The following CAMSAP1 variants were observed in gnomAD, a reference collection of about 807,000 sequenced individuals.
The protein encoded by CAMSAP1 is calmodulin regulated spectrin associated protein 1.
Under a neutral mutation model 143.5 loss-of-function variants are expected in CAMSAP1, and 58 were observed. The observed-to-expected ratio is 0.40, with a 90% CI of 0.33 to 0.50. CAMSAP1 has a LOEUF of 0.50. Among genes scored for constraint, CAMSAP1 ranks in the 20% least tolerant of loss-of-function variants. The pLI, the probability that CAMSAP1 is intolerant of heterozygous loss-of-function variation, is 0.45. For missense variants in CAMSAP1, 1,969 were observed against 2,115.7 expected, an observed-to-expected ratio of 0.93 and a Z score of 1.36; for synonymous variants, 945 against 859.3, an observed-to-expected ratio of 1.10 and a Z score of -1.74.
intron 7 of CAMSAP1, among the ~76,000 whole-genome samples, chr9:135,835,160 T>C (rs1191981713): frequency 6.6e-6 from 1 of 151,890 alleles, no homozygotes; most frequent in Non-Finnish European, 1.5e-5. Context: ...GCACGTGTAC[T>C]AACAGGAGGC....
rs1835608086 is a variant in CAMSAP1 at position 135,824,679 on chromosome 9, A to G, written c.1315+110T>C. 4 of 886,802 alleles carry G rather than the reference A, an allele frequency of 4.5e-6. No individual in the cohort carries two copies. In the East Asian group the frequency reaches 8.5e-5, roughly 19 times the overall value. 54.9% of individuals were successfully genotyped at this position (886,802 alleles called of 1,614,324 possible). ...ACTCCATCTCAAAAAACAAACAAAC[A>G]AACAAAAAAATCACTACATCAGATA... is the stretch of plus-strand genomic sequence containing the variant. On this transcript the variant is annotated intron_variant, in intron 9 of 16. Transcript: ENST00000389532. The surrounding 1 kb of genome is among the most constrained non-coding windows in gnomAD (Gnocchi z 4.1).
rs1166393563 is a variant in CAMSAP1 at position 135,862,515 on chromosome 9, G to A, written c.760C>T (p.Leu254Phe). Residue 254 changes from leucine (L) to phenylalanine (F), a missense_variant, in exon 5 of 17, where the codon CTC becomes TTC. Coordinates refer to ENST00000389532, the MANE Select transcript of CAMSAP1 (RefSeq NM_015447.4). The part of the protein sequence containing the change: ...LMRDGSDGAA[L>F]LAVIHYYCPE... ...CAATAATAGTGAATCACAGCTAAGA[G>A]AGCAGCACCATCACTGCCGTCTCTC... The A allele has an allele frequency of 1.3e-6, 2 of 1,551,624 alleles. No homozygotes were observed. The highest frequency in any genetic ancestry group is 1.4e-5 in the African/African-American group (1 of 73,118).
intron 1 of CAMSAP1, among the ~76,000 whole-genome samples, chr9:135,885,037 T>A (rs892338656): frequency 6.6e-6 from 1 of 152,162 alleles, no homozygotes; most frequent in African/African-American, 2.4e-5. Context: ...CTTATTCAAC[T>A]GACCACACCA....
At chr9:135,848,967 G>A (rs889379254) in intron 7 of CAMSAP1, among the ~76,000 whole-genome samples, 1 of 152,220 alleles carries the variant, frequency 6.6e-6, no homozygotes, top group Non-Finnish European at 1.5e-5. Context: ...AGTGGTGAAA[G>A]GTGCACTCTC....
At chr9:135,866,616 C>T in intron 3 of CAMSAP1, 80 bp from the exon 4 acceptor site, 1 of 716,122 alleles carries the variant, frequency 1.4e-6, no homozygotes, top group Non-Finnish European at 2.5e-6. Context: ...CCCAGAGACC[C>T]CCACTTCACC....
rs1343795116 is a variant in CAMSAP1, at chr9:135,824,682, C to A, written c.1315+107G>T. ...CCATCTCAAAAAACAAACAAACAAA[C>A]AAAAAAATCACTACATCAGATAAAA... On this transcript the variant is annotated intron_variant, in intron 9 of 16. Coordinates refer to ENST00000389532, the MANE Select transcript of CAMSAP1 (RefSeq NM_015447.4). The surrounding 1 kb of genome is among the most constrained non-coding windows in gnomAD (Gnocchi z 4.1). 4.7e-5 allele frequency: 42 copies of A among 898,208 alleles called. No individual in the cohort carries two copies. Among genetic ancestry groups the A allele is most frequent in the Middle Eastern group, 2.3e-4 (1 of 4,416 alleles). The allele number at this position is 898,208 out of a possible 1,614,324, so 55.6% of individuals were successfully genotyped here. A position where few individuals can be genotyped will look rare whatever the true frequency, so the allele number is the denominator to read the frequency against.
At chr9:135,836,700 G>T in intron 7 of CAMSAP1, 1 of 974,624 alleles carries the variant, frequency 1.0e-6, no homozygotes, top group Non-Finnish European at 1.2e-6. Flanking sequence ...CTTCTACCCT[G>T]TTCTACAGAC....
rs149594688 is a variant in CAMSAP1 at position 135,822,957 on chromosome 9, G to A, written c.1704C>T (p.Gly568=). The A allele has an allele frequency of 5.8e-3, 9,334 of 1,613,954 alleles. 38 individuals carry two copies. The highest frequency in any genetic ancestry group is 7.0e-3 in the Non-Finnish European group (8,214 of 1,179,884). The part of the protein sequence containing the change: ...EFPRASPRAL[G]LTANARSPQG... ...GGGGAGACCGGGCATTTGCTGTAAGGCCTAAGGCCCGGGGTGAGGCCCTGG... is the reference window on the plus strand; with the variant it reads ...GGGGAGACCGGGCATTTGCTGTAAGACCTAAGGCCCGGGGTGAGGCCCTGG... Residue 568 remains glycine, a synonymous_variant, in exon 11 of 17, where the codon GGC becomes GGT. Coordinates refer to ENST00000389532, the MANE Select transcript of CAMSAP1 (RefSeq NM_015447.4). The surrounding 1 kb of genome is among the most constrained non-coding windows in gnomAD (Gnocchi z 6.1).
chr9:135,831,455 G>A (rs530504734), intron 7 of CAMSAP1, among the ~76,000 whole-genome samples: 95 of 151,068 alleles, frequency 6.3e-4, no homozygotes, highest in African/African-American at 2.1e-3. Context: ...CCAACATAGC[G>A]AGACCCCATC....
intron 7 of CAMSAP1, among the ~76,000 whole-genome samples, chr9:135,833,264 G>A (rs2131689039): frequency 6.6e-6 from 1 of 152,088 alleles, no homozygotes; most frequent in South Asian, 2.1e-4. Context: ...TGTATTTTTA[G>A]TAGAGACGGG....
Position 135,824,918 on chromosome 9 carries a change from T to C in CAMSAP1, c.1224-38A>G. 1 of 1,505,160 alleles carries C rather than the reference T, an allele frequency of 6.6e-7. No homozygotes were observed. Among genetic ancestry groups the C allele is most frequent in the Non-Finnish European group, 9.0e-7 (1 of 1,106,004 alleles). The allele number at this position is 1,505,160 out of a possible 1,614,324, so 93.2% of individuals were successfully genotyped here. Reference sequence around the variant, plus strand: ...AGAATTACAGGGAAAATCATTCCTTTATCAAACTTCAAGGTCAACAGCAAA... The same window carrying C: ...AGAATTACAGGGAAAATCATTCCTTCATCAAACTTCAAGGTCAACAGCAAA... On this transcript the variant is annotated intron_variant, in intron 8 of 16. Transcript: ENST00000389532. This position sits in a 1 kb window ranked among gnomAD's most constrained non-coding sequence, Gnocchi z 4.1.
intron 7 of CAMSAP1, among the ~76,000 whole-genome samples, chr9:135,840,144 C>T (rs574899739): frequency 1.1e-3 from 168 of 152,332 alleles, no homozygotes; most frequent in Admixed American, 3.8e-3. Flanking sequence ...GCCGTGCATT[C>T]TGCACCTGAG....
chr9:135,857,282 C>CT (rs1396528629), intron 5 of CAMSAP1, among the ~76,000 whole-genome samples: 2 of 152,134 alleles, frequency 1.3e-5, no homozygotes, highest in African/African-American at 4.8e-5. Context: ...ATTTTTCCAT[C>CT]TTTTTTCCCT....
At chr9:135,872,896 A>G (rs1837616382) in intron 3 of CAMSAP1, among the ~76,000 whole-genome samples, 1 of 152,264 alleles carries the variant, frequency 6.6e-6, no homozygotes, top group Non-Finnish European at 1.5e-5. Context: ...ACAAGTGCAC[A>G]GCTCAGGACC....
chr9:135,835,655 C>T (rs977536490), intron 7 of CAMSAP1, among the ~76,000 whole-genome samples: 45 of 152,206 alleles, frequency 3.0e-4, no homozygotes, highest in African/African-American at 9.6e-4. Flanking sequence ...CCATGCTGGA[C>T]GGATCCAAAT....
chr9:135,903,898 C>T (rs1353969391), intron 1 of CAMSAP1, among the ~76,000 whole-genome samples: 1 of 152,242 alleles, frequency 6.6e-6, no homozygotes, highest in Admixed American at 6.5e-5. Context: ...CCAAAACCCC[C>T]TCCCCACTCA....
chr9:135,849,072 G>T (rs551579009), intron 7 of CAMSAP1, among the ~76,000 whole-genome samples: 2 of 152,188 alleles, frequency 1.3e-5, no homozygotes, highest in Non-Finnish European at 2.9e-5. Flanking sequence ...CTTACAATGG[G>T]GTCATGCCCC....
intron 1 of CAMSAP1, among the ~76,000 whole-genome samples, chr9:135,903,353 C>G (rs1376847837): frequency 1.3e-5 from 2 of 152,208 alleles, no homozygotes; most frequent in Non-Finnish European, 2.9e-5. Flanking sequence ...AATGCAAACA[C>G]TGTCAATGAA....
chr9:135,813,990 CCA>C (rs1248218818), intron 16 of CAMSAP1, among the ~76,000 whole-genome samples: 2 of 152,316 alleles, frequency 1.3e-5, no homozygotes, highest in Admixed American at 1.3e-4. Flanking sequence ...GTGGCTCCCT[CCA>C]CAGTGCTGGA....
Sources: allele counts gnomAD v4.1 joint callset (sites outside exome capture counted in the v4.1 genomes callset), GRCh38; gene constraint gnomAD v4.1.1; non-coding constraint Gnocchi (gnomAD v3.1); transcripts MANE v1.5; gene names NCBI Gene and HGNC (gene_info 2026-07-23, HGNC 2026-07-21).